PPA2: variants seen among roughly 807,000 people sequenced by gnomAD.
The protein encoded by PPA2 is inorganic pyrophosphatase 2, mitochondrial.
A neutral mutation model predicts 49.5 loss-of-function variants in PPA2; 48 were observed. The observed-to-expected ratio is 0.97, with a 90% CI of 0.77 to 1.23. The LOEUF (loss-of-function observed/expected upper bound fraction) is 1.23, where lower values mean the gene tolerates loss of function less well. Among genes scored for constraint, PPA2 ranks in the 50% most tolerant of loss-of-function variants. PPA2 has a pLI of 0.00. For missense variants in PPA2, 429 were observed against 410.1 expected, an observed-to-expected ratio of 1.05 and a Z score of -0.40; for synonymous variants, 131 against 139.9, an observed-to-expected ratio of 0.94 and a Z score of 0.45.
Position 105,446,516 on chromosome 4 carries a change from AGAAG to A in PPA2, c.322-18_322-15del. ...CTTGGTGGCAATCTAAGCAAATCAC[AGAAG>A]GAAGAAAAGGAGATGGGATAAGAAA... is the stretch of plus-strand genomic sequence containing the variant. On this transcript the variant is annotated splice_polypyrimidine_tract_variant and intron_variant, in intron 4 of 11. Coordinates refer to ENST00000341695, the MANE Select transcript of PPA2 (RefSeq NM_176869.3). 1 of 1,596,664 alleles carries A rather than the reference AGAAG, an allele frequency of 6.3e-7. No individual in the cohort carries two copies. Among genetic ancestry groups the A allele is most frequent in the Middle Eastern group, 1.7e-4 (1 of 6,024 alleles).
chr4:105,417,889 A>C (rs1432010115), intron 7 of PPA2, among the ~76,000 whole-genome samples: 3 of 152,224 alleles, frequency 2.0e-5, no homozygotes, highest in African/African-American at 7.2e-5. Flanking sequence ...GATGTAATGC[A>C]GCAATGAAGA....
chr4:105,459,431 C>T (rs912435045), intron 1 of PPA2, among the ~76,000 whole-genome samples: 3 of 152,170 alleles, frequency 2.0e-5, no homozygotes, highest in African/African-American at 7.2e-5. Context: ...AAGTGGGCCA[C>T]ATTTACATGT....
chr4:105,376,767 C>T (rs1254564987), intron 10 of PPA2, among the ~76,000 whole-genome samples: 1 of 152,138 alleles, frequency 6.6e-6, no homozygotes, highest in Non-Finnish European at 1.5e-5. Context: ...TTAGGCTGTG[C>T]ACATGTCTGA....
chr4:105,377,777 T>C (rs543870738), intron 10 of PPA2, among the ~76,000 whole-genome samples: 68 of 152,300 alleles, frequency 4.5e-4, no homozygotes, highest in African/African-American at 1.5e-3. Flanking sequence ...CCTAAAATTT[T>C]ATATAAATGG....
In PPA2 at chr4:105,424,237, A is replaced by G. The variant is rs1471024695; in HGVS notation, c.614T>C (p.Ile205Thr). Reference protein sequence around the residue: ...IDEGETDWKLIAINANDPEAS... With the variant: ...IDEGETDWKLTAINANDPEAS... The stretch of plus-strand genomic sequence containing the variant: ...TTCAGGATCATTCGCATTGATAGCA[A>G]TTAATTTCCAATCTGTTTCACCTTC... The change falls in exon 7 of 12, where the codon ATT (isoleucine) becomes ACT (threonine). Residue 205 changes from isoleucine to threonine, a missense_variant. Coordinates refer to ENST00000341695, the MANE Select transcript of PPA2 (RefSeq NM_176869.3). 3.1e-6 allele frequency: 5 copies of G among 1,610,078 alleles called. No homozygotes were observed. In the East Asian group the frequency reaches 1.1e-4, roughly 36 times the overall value.
chr4:105,409,782 G>A (rs1722666828), intron 7 of PPA2, among the ~76,000 whole-genome samples: 1 of 152,234 alleles, frequency 6.6e-6, no homozygotes, highest in Non-Finnish European at 1.5e-5. Context: ...AGGGTCTGGA[G>A]TGGGCCTCCA....
chr4:105,414,321 G>A (rs1165038575), intron 7 of PPA2, among the ~76,000 whole-genome samples: 1 of 152,166 alleles, frequency 6.6e-6, no homozygotes, highest in African/African-American at 2.4e-5. Context: ...TTCAGCTGTC[G>A]CTTTTCCAGC....
In PPA2 at chr4:105,422,492, G is replaced by A. The variant is rs894639750; in HGVS notation, c.655+1704C>T. Among the ~76,000 whole-genome samples, 6 of 151,804 alleles carry A rather than the reference G, an allele frequency of 4.0e-5. 1 individual carries two copies. Among genetic ancestry groups the A allele is most frequent in the South Asian group, 2.1e-4 (1 of 4,826 alleles). ...TAAAACTTTTTATTCTAACACTTAC[G>A]AAACTCAAGGAGTCATGCTAGGCTT... is the stretch of plus-strand genomic sequence containing the variant. On this transcript the variant is annotated intron_variant, in intron 7 of 11. Transcript: ENST00000341695.
chr4:105,378,979 T>G (rs1279447504), intron 10 of PPA2, among the ~76,000 whole-genome samples: 1 of 152,132 alleles, frequency 6.6e-6, no homozygotes, highest in Non-Finnish European at 1.5e-5. Flanking sequence ...GTTAGACTAT[T>G]CTAGGTCCTT....
At chr4:105,413,134 T>G (rs942313757) in intron 7 of PPA2, among the ~76,000 whole-genome samples, 1 of 152,156 alleles carries the variant, frequency 6.6e-6, no homozygotes. Context: ...ATATACACCA[T>G]GGAATACTAT....
chr4:105,420,663 T>A (rs531866990), intron 7 of PPA2, among the ~76,000 whole-genome samples: 2 of 117,266 alleles, frequency 1.7e-5, no homozygotes, highest in South Asian at 4.6e-4. Context: ...AAATTTCAAT[T>A]TATACACAGC....
At chr4:105,416,905 A>G (rs940024699) in intron 7 of PPA2, among the ~76,000 whole-genome samples, 13 of 152,218 alleles carry the variant, frequency 8.5e-5, no homozygotes, top group Non-Finnish European at 1.6e-4. Context: ...TGGAATTAAC[A>G]CATGTCAAAG....
chr4:105,398,640 C>T (rs1734237774), intron 8 of PPA2: 1 of 155,128 alleles, frequency 6.4e-6, no homozygotes, highest in Non-Finnish European at 1.4e-5. Flanking sequence ...TGTTAAGCAG[C>T]TTAGTTCCGT....
At chr4:105,448,103 T>C (rs1411918465) in intron 4 of PPA2, 1 of 399,724 alleles carries the variant, frequency 2.5e-6, no homozygotes, top group Non-Finnish European at 5.0e-6. Context: ...CCTATGTATA[T>C]AGGAAACAAA....
intron 7 of PPA2, chr4:105,405,358 A>C (rs1403415500): frequency 5.2e-6 from 4 of 765,926 alleles, no homozygotes; most frequent in Non-Finnish European, 6.3e-6. Context: ...TAAAGACCCT[A>C]AATGAATTTG....
At chr4:105,393,355 G>A (rs1734001051) in intron 9 of PPA2, among the ~76,000 whole-genome samples, 3 of 151,712 alleles carry the variant, frequency 2.0e-5, no homozygotes, top group Admixed American at 6.6e-5. Context: ...GTAGCCAGGT[G>A]TGGTGGTGCA....
intron 7 of PPA2, among the ~76,000 whole-genome samples, chr4:105,409,767 C>T (rs1435763105): frequency 2.0e-5 from 3 of 152,174 alleles, no homozygotes; most frequent in Admixed American, 1.3e-4. Flanking sequence ...GATACCCAGG[C>T]GAATAGGGTC....
At chr4:105,459,246 C>T (rs1722989203) in intron 1 of PPA2, among the ~76,000 whole-genome samples, 1 of 152,020 alleles carries the variant, frequency 6.6e-6, no homozygotes, top group African/African-American at 2.4e-5. Flanking sequence ...GTCTATAAAG[C>T]TCTTTTCATC....
intron 1 of PPA2, among the ~76,000 whole-genome samples, chr4:105,459,446 A>T (rs72952290): frequency 6.6e-6 from 1 of 152,302 alleles, no homozygotes; most frequent in South Asian, 2.1e-4. Flanking sequence ...ACATGTTTTC[A>T]ATTAAAATAA....
Sources: allele counts gnomAD v4.1 joint callset (sites outside exome capture counted in the v4.1 genomes callset), GRCh38; gene constraint gnomAD v4.1.1; transcripts MANE v1.5; gene names NCBI Gene and HGNC (gene_info 2026-07-23, HGNC 2026-07-21).